The following TMEM108 variants were observed in gnomAD, a reference collection of about 807,000 sequenced individuals.
TMEM108 encodes transmembrane protein 108.
TMEM108 carries 12 observed loss-of-function variants against 35.1 expected under a neutral mutation model. The observed-to-expected ratio is 0.34, with a 90% CI of 0.22 to 0.55. TMEM108 has a LOEUF of 0.55. TMEM108 is among the 20% of genes least tolerant of loss of function. TMEM108 has a pLI of 0.89. For missense variants in TMEM108, 680 were observed against 753.3 expected (o/e 0.90, Z 1.14); for synonymous variants, 287 against 308.6 (o/e 0.93, Z 0.73).
At chr3:133,342,863 A>G (rs2071707316) in intron 3 of TMEM108, among the ~76,000 whole-genome samples, 2 of 151,456 alleles carry the variant, frequency 1.3e-5, no homozygotes, top group African/African-American at 4.8e-5. Context: ...CAGAGTGACT[A>G]TAGTTAACAA....
rs370316088 is a variant in TMEM108 at position 133,245,946 on chromosome 3, A to AT, written c.40+16598dup. Among the ~76,000 whole-genome samples the AT allele has an allele frequency of 2.3e-3, 357 of 152,082 alleles. 2 individuals carry two copies. The highest frequency in any genetic ancestry group is 7.9e-3 in the African/African-American group (327 of 41,484). ...AATCAATAAAAAAATCTAGTGAAAT[A>AT]TTTGCTTTCTTTTTTTTTTTCAGAC... On this transcript the variant is annotated intron_variant, in intron 3 of 5. Transcript: ENST00000321871.
At chr3:133,168,321 A>G (rs1217754064) in intron 2 of TMEM108, among the ~76,000 whole-genome samples, 3 of 152,168 alleles carry the variant, frequency 2.0e-5, no homozygotes, top group Non-Finnish European at 2.9e-5. Flanking sequence ...CTGGAAGCTG[A>G]GAAGTCTAAA....
chr3:133,065,385 A>C (rs1282461739), intron 2 of TMEM108, among the ~76,000 whole-genome samples: 1 of 152,150 alleles, frequency 6.6e-6, no homozygotes, highest in Non-Finnish European at 1.5e-5. Context: ...TTTCCATTAC[A>C]GAAGAATGCC....
At chr3:133,377,816 CGCCAGAGCGTTACT>C (rs2072886546) in intron 3 of TMEM108, among the ~76,000 whole-genome samples, 1 of 147,054 alleles carries the variant, frequency 6.8e-6, no homozygotes, top group South Asian at 2.2e-4. Context: ...GGAGCATCAC[CGCCAGAGCGTTACT>C]GCCAGAGCTC....
intron 2 of TMEM108, among the ~76,000 whole-genome samples, chr3:133,120,523 A>G (rs780030232): frequency 9.2e-5 from 14 of 152,156 alleles, no homozygotes; most frequent in South Asian, 4.1e-4. Context: ...CCATCCTCCT[A>G]TGGTTATTGC....
At chr3:133,099,260 G>T (rs1224969002) in intron 2 of TMEM108, among the ~76,000 whole-genome samples, 2 of 152,154 alleles carry the variant, frequency 1.3e-5, no homozygotes, top group African/African-American at 4.8e-5. Context: ...GCCATGGCTG[G>T]AGCAGCTGAG....
chr3:133,306,803 T>C (rs1473576982), intron 3 of TMEM108, among the ~76,000 whole-genome samples: 1 of 152,188 alleles, frequency 6.6e-6, no homozygotes, highest in Non-Finnish European at 1.5e-5. Context: ...GTCTTTGATA[T>C]TGTGAATAAT....
At chr3:133,195,290 A>G (rs1360409097) in intron 2 of TMEM108, among the ~76,000 whole-genome samples, 1 of 152,170 alleles carries the variant, frequency 6.6e-6, no homozygotes, top group Admixed American at 6.5e-5. Context: ...AATTTAAGTA[A>G]TGTATAATAT....
At chr3:133,290,513 G>A (rs1947048615) in intron 3 of TMEM108, among the ~76,000 whole-genome samples, 1 of 151,968 alleles carries the variant, frequency 6.6e-6, no homozygotes, top group African/African-American at 2.4e-5. Context: ...TCCAGCTACT[G>A]GGAAGGCTGA....
chr3:133,068,297 C>T (rs1031754378), intron 2 of TMEM108, among the ~76,000 whole-genome samples: 2 of 151,944 alleles, frequency 1.3e-5, no homozygotes, highest in African/African-American at 4.8e-5. Context: ...AAAAGGTTAG[C>T]CAGGTGTTGT....
chr3:133,254,698 A>G (rs763473673), intron 3 of TMEM108, among the ~76,000 whole-genome samples: 55 of 152,232 alleles, frequency 3.6e-4, no homozygotes, highest in Non-Finnish European at 6.0e-4. Context: ...GAACTACTTG[A>G]TATTCTCATA....
chr3:133,090,251 T>C (rs148668703), intron 2 of TMEM108, among the ~76,000 whole-genome samples: 4 of 152,362 alleles, frequency 2.6e-5, no homozygotes, highest in African/African-American at 9.6e-5. Context: ...AAATCTTTCA[T>C]ACAAAACACC....
intron 3 of TMEM108, among the ~76,000 whole-genome samples, chr3:133,236,028 TAAG>T (rs1028719010): frequency 6.6e-6 from 1 of 152,140 alleles, no homozygotes; most frequent in African/African-American, 2.4e-5. Flanking sequence ...GCTACTTTGT[TAAG>T]AAGACTAAGG....
intron 2 of TMEM108, among the ~76,000 whole-genome samples, chr3:133,108,908 G>A (rs553364413): frequency 2.0e-4 from 31 of 151,860 alleles, no homozygotes; most frequent in East Asian, 1.9e-4. Context: ...AATGGGTGCA[G>A]CACACCAACA....
At chr3:133,253,828 A>G (rs1458976022) in intron 3 of TMEM108, among the ~76,000 whole-genome samples, 1 of 152,204 alleles carries the variant, frequency 6.6e-6, no homozygotes, top group Non-Finnish European at 1.5e-5. Context: ...TCTCTTGGGC[A>G]TATTGCACTG....
chr3:133,065,935 A>G (rs985208391), intron 2 of TMEM108, among the ~76,000 whole-genome samples: 1 of 152,176 alleles, frequency 6.6e-6, no homozygotes, highest in Non-Finnish European at 1.5e-5. Flanking sequence ...ATGGGTAAAT[A>G]TACTCTCTAA....
chr3:133,361,969 G>A (rs1201591649), intron 3 of TMEM108, among the ~76,000 whole-genome samples: 1 of 152,064 alleles, frequency 6.6e-6, no homozygotes, highest in African/African-American at 2.4e-5. Flanking sequence ...GAAAAAGTAG[G>A]ACCAAATAAA....
intron 3 of TMEM108, among the ~76,000 whole-genome samples, chr3:133,266,882 C>T (rs1457779056): frequency 7.4e-6 from 1 of 135,612 alleles, no homozygotes; most frequent in Non-Finnish European, 1.5e-5. Context: ...ACCATCCTGG[C>T]TAACACAGTG....
At chr3:133,129,801 T>C (rs2107742743) in intron 2 of TMEM108, among the ~76,000 whole-genome samples, 1 of 152,194 alleles carries the variant, frequency 6.6e-6, no homozygotes, top group South Asian at 2.1e-4. Flanking sequence ...GTTGTGTAGC[T>C]TGTCTAGGGC....
Sources: gnomAD v4.1 joint callset for allele counts (sites outside exome capture counted in the v4.1 genomes callset) on GRCh38, gnomAD v4.1.1 for gene constraint, MANE v1.5 for transcripts, NCBI Gene and HGNC (gene_info 2026-07-23, HGNC 2026-07-21) for gene names.